The following ABCC4 variants were observed in gnomAD, a reference collection of about 807,000 sequenced individuals.
ABCC4 encodes the protein ATP-binding cassette sub-family C member 4.
Under a neutral mutation model 168.5 loss-of-function variants are expected in ABCC4, and 102 were observed. The observed-to-expected ratio is 0.61, with a 90% confidence interval of 0.52 to 0.71. The LOEUF (loss-of-function observed/expected upper bound fraction) is 0.71, where lower values mean the gene tolerates loss of function less well. ABCC4 is among the 30% of genes least tolerant of loss of function. The pLI, the probability that ABCC4 is intolerant of heterozygous loss-of-function variation, is 0.00. For synonymous variants in ABCC4, 617 were observed against 590.7 expected (o/e 1.04, Z -0.65); for missense variants, 1,402 against 1,605.8 (o/e 0.87, Z 2.17).
intron 25 of ABCC4, among the ~76,000 whole-genome samples, chr13:95,063,075 G>C (rs1331685992): frequency 6.6e-6 from 1 of 152,138 alleles, no homozygotes; most frequent in Non-Finnish European, 1.5e-5. Context: ...AGGTTCGCTA[G>C]CATCCCTGGA....
Position 95,083,131 on chromosome 13 carries a change from C to T in ABCC4, c.2686+9G>A, listed in dbSNP as rs1177691117. The T allele has an allele frequency of 1.2e-6, 2 of 1,612,646 alleles. No individual in the cohort carries two copies. The highest frequency in any genetic ancestry group is 8.5e-7 in the Non-Finnish European group (1 of 1,179,252). ...GCATGTCTATACCAACCCGAGTTTC[C>T]ATACTCACTTGTAGATTCCAGGCGC... On this transcript the variant is annotated intron_variant, in intron 21 of 30. Coordinates refer to ENST00000645237, the MANE Select transcript of ABCC4 (RefSeq NM_005845.5).
At chr13:95,090,926 TA>T (rs1008586436) in intron 20 of ABCC4, among the ~76,000 whole-genome samples, 12 of 151,698 alleles carry the variant, frequency 7.9e-5, no homozygotes, top group South Asian at 4.2e-4. Flanking sequence ...ACAGATAGCT[TA>T]AAAAAAATCA....
At chr13:95,078,985 T>G (rs2034002214) in intron 21 of ABCC4, among the ~76,000 whole-genome samples, 1 of 152,210 alleles carries the variant, frequency 6.6e-6, no homozygotes. Flanking sequence ...ATCCCAGTTT[T>G]GGAACACCCG....
chr13:95,075,525 A>C lies in ABCC4; in HGVS notation c.2713T>G (p.Ser905Ala), dbSNP rs758681520. 1 of 1,614,116 alleles carries C rather than the reference A, an allele frequency of 6.2e-7. No individual in the cohort carries two copies. Among genetic ancestry groups the C allele is most frequent in the Non-Finnish European group, 8.5e-7 (1 of 1,179,990 alleles). ...TTRSPVFSHL[S>A]SSLQGLWTIR... is the part of the protein sequence containing the mutation. ...GTCCAGAGCCCCTGGAGAGAAGATGATAAGTGGGAAAACACTGGACTCCGA... is the reference window on the plus strand; with the variant it reads ...GTCCAGAGCCCCTGGAGAGAAGATGCTAAGTGGGAAAACACTGGACTCCGA... Residue 905 changes from serine to alanine, a missense_variant, in exon 22 of 31, where the codon TCA becomes GCA. Transcript: ENST00000645237.
intron 19 of ABCC4, among the ~76,000 whole-genome samples, chr13:95,124,070 G>A (rs991068082): frequency 6.6e-6 from 1 of 152,168 alleles, no homozygotes; most frequent in Admixed American, 6.5e-5. Flanking sequence ...GGACTTGGGT[G>A]TGGAATGGGA....
At chr13:95,064,254 GTGTGTGTATATATATATATA>G (rs1408193013) in intron 25 of ABCC4, among the ~76,000 whole-genome samples, 465 of 23,684 alleles carry the variant, frequency 0.02, 11 homozygotes, top group African/African-American at 0.077. Flanking sequence ...GGGTGTGTGT[GTGTGTGTATATATATATATA>G]TATATATATA....
chr13:95,034,689 C>T lies in ABCC4; in HGVS notation c.3786G>A (p.Leu1262=), dbSNP rs1273119221. 6.2e-7 allele frequency: 1 copy of T among 1,614,088 alleles called. No individual in the cohort carries two copies. Among genetic ancestry groups the T allele is most frequent in the Non-Finnish European group, 8.5e-7 (1 of 1,180,042 alleles). The change falls in exon 30 of 31, where the codon CTG becomes CTA. Residue 1262 remains leucine, a synonymous_variant. Transcript: ENST00000645237. ...LKEYDEPYVL[L]QNKESLFYKM... is the part of the protein sequence containing the mutation. ...TGTAAAATAGGCTCTCTTTATTTTG[C>T]AGCAAAACATACGGCTCATCATATT...
chr13:95,273,221 T>C (rs1381854747), intron 1 of ABCC4, among the ~76,000 whole-genome samples: 1 of 152,218 alleles, frequency 6.6e-6, no homozygotes, highest in Non-Finnish European at 1.5e-5. Context: ...GCACATGTGT[T>C]ACAATTATTT....
chr13:95,173,442 G>C (rs542255938), intron 13 of ABCC4, among the ~76,000 whole-genome samples: 1 of 152,342 alleles, frequency 6.6e-6, no homozygotes, highest in South Asian at 2.1e-4. Context: ...CAGGAGGTAG[G>C]ATCTGTGTCT....
intron 27 of ABCC4, among the ~76,000 whole-genome samples, chr13:95,044,921 G>C (rs571247653): frequency 1.3e-5 from 2 of 152,180 alleles, no homozygotes; most frequent in Non-Finnish European, 2.9e-5. Context: ...TGGGGTAAGA[G>C]AGATGTTTTA....
At chr13:95,178,973 G>A (rs150755265) in intron 11 of ABCC4, among the ~76,000 whole-genome samples, 3 of 152,312 alleles carry the variant, frequency 2.0e-5, no homozygotes, top group South Asian at 4.1e-4. Context: ...TAAGACAAGG[G>A]AAGAACAGGG....
intron 4 of ABCC4, among the ~76,000 whole-genome samples, chr13:95,225,779 T>C (rs914056244): frequency 1.3e-5 from 2 of 150,458 alleles, no homozygotes; most frequent in African/African-American, 4.9e-5. Context: ...TATAAAAATA[T>C]AAAATATAAA....
At chr13:95,060,809 C>T (rs2033260255) in intron 26 of ABCC4, among the ~76,000 whole-genome samples, 1 of 152,192 alleles carries the variant, frequency 6.6e-6, no homozygotes, top group South Asian at 2.1e-4. Flanking sequence ...TAAGGACATT[C>T]ACACTGTTTT....
intron 20 of ABCC4, among the ~76,000 whole-genome samples, chr13:95,088,319 A>T (rs2034322410): frequency 6.6e-6 from 1 of 152,224 alleles, no homozygotes; most frequent in South Asian, 2.1e-4. Context: ...ATAAGTTTTA[A>T]CCCACTTATC....
intron 19 of ABCC4, among the ~76,000 whole-genome samples, chr13:95,117,648 T>C (rs73559627): frequency 0.022 from 3,376 of 152,180 alleles, 136 homozygotes; most frequent in African/African-American, 0.076. Context: ...AAGGAAAATA[T>C]AAGTTAAAAA....
At chr13:95,189,396 C>T (rs893737627) in intron 9 of ABCC4, among the ~76,000 whole-genome samples, 13 of 152,152 alleles carry the variant, frequency 8.5e-5, no homozygotes, top group Admixed American at 8.5e-4. Flanking sequence ...GCTGGGATTA[C>T]AGGCGTGAGC....
chr13:95,222,032 G>A (rs1030055511), intron 4 of ABCC4, among the ~76,000 whole-genome samples: 1 of 152,202 alleles, frequency 6.6e-6, no homozygotes, highest in Non-Finnish European at 1.5e-5. Flanking sequence ...GGTCTGAGAT[G>A]GCCCCAGGAT....
intron 1 of ABCC4, among the ~76,000 whole-genome samples, chr13:95,278,845 A>G (rs562035655): frequency 2.9e-4 from 44 of 150,142 alleles, no homozygotes; most frequent in African/African-American, 1.0e-3. Context: ...ACAGACTGAC[A>G]ACAACTCAAT....
At chr13:95,240,463 A>G (rs1237389003) in intron 3 of ABCC4, among the ~76,000 whole-genome samples, 47 of 152,080 alleles carry the variant, frequency 3.1e-4, no homozygotes. Flanking sequence ...CCCAGGAGGC[A>G]GAGGTTGCAG....
Sources: allele counts gnomAD v4.1 joint callset (sites outside exome capture counted in the v4.1 genomes callset), GRCh38; gene constraint gnomAD v4.1.1; transcripts MANE v1.5; gene names NCBI Gene and HGNC (gene_info 2026-07-23, HGNC 2026-07-21).